DMD: variants seen among roughly 807,000 people sequenced by gnomAD.
The protein encoded by DMD is mutant dystrophin.
A neutral mutation model predicts 330.1 loss-of-function variants in DMD; 63 were observed. The observed-to-expected ratio is 0.19, with a 90% confidence interval of 0.16 to 0.24. DMD has a LOEUF of 0.24. Among genes scored for constraint, DMD ranks in the 10% least tolerant of loss-of-function variants. The pLI, the probability that DMD is intolerant of heterozygous loss-of-function variation, is 1.00. For synonymous variants in DMD, 1,223 were observed against 959.8 expected (o/e 1.27, Z -5.07); for missense variants, 3,344 against 2,684.1 (o/e 1.25, Z -5.43).
chrX:32,622,434 C>A (rs950662163), intron 11 of DMD, among the ~76,000 whole-genome samples: 2 of 111,759 alleles, frequency 1.8e-5, no homozygotes, highest in Admixed American at 1.9e-4. Flanking sequence ...AGTCCATATG[C>A]TGGATTTGGT....
intron 44 of DMD, among the ~76,000 whole-genome samples, chrX:31,981,093 A>C (rs915241993): frequency 8.9e-6 from 1 of 112,007 alleles, no homozygotes; most frequent in Non-Finnish European, 1.9e-5. Context: ...CAGGTTATAC[A>C]GGAACAGACT....
At chrX:32,249,014 T>C (rs1243558516) in intron 43 of DMD, among the ~76,000 whole-genome samples, 1 of 110,931 alleles carries the variant, frequency 9.0e-6, no homozygotes, top group Non-Finnish European at 1.9e-5. Flanking sequence ...ATCTTTTATA[T>C]ATAATGATAT....
rs1191131028 is a variant in DMD, at chrX:33,019,039, A to C, written c.93+1100T>G. ...AAGTTAAATTAAAGAGTACATGGCA[A>C]CATTCTACTACCAAATACCACAAAG... On this transcript the variant is annotated intron_variant, in intron 2 of 78. Coordinates refer to ENST00000357033, the MANE Select transcript of DMD (RefSeq NM_004006.3). 9.8e-5 allele frequency among the ~76,000 whole-genome samples: 11 copies of C among 111,981 alleles called. No individual in the cohort carries two copies. The Admixed American group carries it at 1.0e-3, about 11-fold the overall frequency.
chrX:31,928,134 T>C (rs1325913575), intron 47 of DMD, among the ~76,000 whole-genome samples: 1 of 111,834 alleles, frequency 8.9e-6, no homozygotes, highest in Non-Finnish European at 1.9e-5. Context: ...TTGAAAATAT[T>C]ATGCTGAGGG....
At chrX:32,306,348 C>G (rs1249316762) in intron 42 of DMD, among the ~76,000 whole-genome samples, 1 of 111,010 alleles carries the variant, frequency 9.0e-6, no homozygotes, top group Non-Finnish European at 1.9e-5. Context: ...ACTTGAACGA[C>G]CTGGCTTCAC....
intron 15 of DMD, among the ~76,000 whole-genome samples, chrX:32,567,906 C>A (rs1188480794): frequency 2.7e-5 from 3 of 110,338 alleles, no homozygotes; most frequent in Non-Finnish European, 5.7e-5. Flanking sequence ...CACAAAGACA[C>A]AAATCTAAAA....
rs763203937 is a variant in DMD, at chrX:33,202,745, T to C, written c.31+8537A>G. Among the ~76,000 whole-genome samples, 222 of 111,957 alleles carry C rather than the reference T, an allele frequency of 2.0e-3. 1 individual carries two copies. The highest frequency in any genetic ancestry group is 6.5e-3 in the African/African-American group (200 of 30,869). ...TAATCACACTATTCATAAGTAATCA[T>C]TTATGATTGATTTGTACCATGCTTT... On this transcript the variant is annotated intron_variant, in intron 1 of 78. Transcript: ENST00000357033.
intron 52 of DMD, among the ~76,000 whole-genome samples, chrX:31,695,234 A>G (rs2083380676): frequency 9.0e-6 from 1 of 110,882 alleles, no homozygotes; most frequent in Non-Finnish European, 1.9e-5. Context: ...TATTGAACTC[A>G]TGGAGACAGA....
intron 55 of DMD, among the ~76,000 whole-genome samples, chrX:31,613,738 TC>T (rs1173931238): frequency 2.7e-5 from 3 of 111,154 alleles, no homozygotes; most frequent in Non-Finnish European, 3.8e-5. Context: ...CTCTCTGTCC[TC>T]CTGCCCCAAG....
intron 54 of DMD, 72 bp from the exon 55 acceptor site, chrX:31,627,934 G>C: frequency 1.0e-6 from 1 of 990,385 alleles, no homozygotes. Context: ...TCCATAAAAA[G>C]AGAAAGATGG....
intron 55 of DMD, among the ~76,000 whole-genome samples, chrX:31,603,354 A>G (rs2077461656): frequency 8.9e-6 from 1 of 111,742 alleles, no homozygotes; most frequent in Middle Eastern, 4.6e-3. Context: ...ACAATCCAGT[A>G]AAGTTCTACT....
chrX:31,800,087 A>T (rs1184496450), intron 50 of DMD, among the ~76,000 whole-genome samples: 2 of 112,371 alleles, frequency 1.8e-5, no homozygotes, highest in Admixed American at 9.3e-5. Context: ...GGTTCAAACT[A>T]TCAGCATTTC....
At chrX:32,037,050 T>C (rs1384628329) in intron 44 of DMD, among the ~76,000 whole-genome samples, 1 of 111,668 alleles carries the variant, frequency 9.0e-6, no homozygotes, top group East Asian at 2.8e-4. Context: ...GGCAACATGA[T>C]GTGGAGACAA....
At chrX:32,314,769 C>G (rs1461581837) in intron 41 of DMD, among the ~76,000 whole-genome samples, 1 of 111,368 alleles carries the variant, frequency 9.0e-6, no homozygotes, top group African/African-American at 3.3e-5. Flanking sequence ...TTTACGCGGC[C>G]AACAAACATA....
chrX:31,562,298 C>T (rs1365514063), intron 55 of DMD, among the ~76,000 whole-genome samples: 2 of 111,985 alleles, frequency 1.8e-5, no homozygotes, highest in African/African-American at 6.5e-5. Context: ...GCCTTTCATA[C>T]TGGTACTTTT....
chrX:31,699,246 A>G (rs1272496440), intron 52 of DMD, among the ~76,000 whole-genome samples: 2 of 111,986 alleles, frequency 1.8e-5, no homozygotes, highest in African/African-American at 6.5e-5. Flanking sequence ...GATAGATTGG[A>G]TGATCCCTGG....
At chrX:32,132,595 T>C (rs2096701606) in intron 44 of DMD, among the ~76,000 whole-genome samples, 1 of 111,407 alleles carries the variant, frequency 9.0e-6, no homozygotes, top group Non-Finnish European at 1.9e-5. Flanking sequence ...AATTCAGTCA[T>C]GTAGATACAG....
At chrX:32,454,239 G>A (rs56027026) in intron 26 of DMD, among the ~76,000 whole-genome samples, 1 of 110,928 alleles carries the variant, frequency 9.0e-6, no homozygotes, top group African/African-American at 3.3e-5. Flanking sequence ...CAAATATTTA[G>A]TGTTTCCAAA....
chrX:31,229,303 T>C (rs1243289920), intron 63 of DMD, among the ~76,000 whole-genome samples: 1 of 111,760 alleles, frequency 8.9e-6, no homozygotes, highest in Admixed American at 9.5e-5. Context: ...TTATAGCTGG[T>C]TTCTGTCTTT....
Sources: gnomAD v4.1 joint callset for allele counts (sites outside exome capture counted in the v4.1 genomes callset) on GRCh38, gnomAD v4.1.1 for gene constraint, MANE v1.5 for transcripts, NCBI Gene and HGNC (gene_info 2026-07-23, HGNC 2026-07-21) for gene names.